The following XIAP variants were observed in gnomAD, a reference collection of about 807,000 sequenced individuals.
The protein encoded by XIAP is X-linked inhibitor of apoptosis.
XIAP carries 3 observed loss-of-function variants against 33.1 expected under a neutral mutation model. The ratio of observed to expected loss-of-function variants is 0.09; its 90% CI spans 0.04 to 0.23. The LOEUF is 0.23. Ranked by LOEUF, XIAP falls within the 10% of genes least tolerant of loss-of-function variation. The pLI is 1.00. For synonymous variants in XIAP, 98 were observed against 121.3 expected (o/e 0.81, Z 1.26); for missense variants, 264 against 363.0 (o/e 0.73, Z 2.22).
intron 4 of XIAP, among the ~76,000 whole-genome samples, chrX:123,891,941 T>C (rs2053412393): frequency 9.0e-6 from 1 of 110,752 alleles, no homozygotes; most frequent in African/African-American, 3.3e-5. Flanking sequence ...TAGGCAAAAA[T>C]GGGCTTGAAG....
intron 1 of XIAP, among the ~76,000 whole-genome samples, chrX:123,866,532 T>C (rs1407240240): frequency 5.4e-5 from 4 of 73,432 alleles, no homozygotes; most frequent in African/African-American, 2.4e-4. Context: ...AATATCAAAA[T>C]ATATAATATG....
chrX:123,892,633 C>T, intron 4 of XIAP, 98 bp from the exon 5 acceptor site: 3 of 742,156 alleles, frequency 4.0e-6, no homozygotes, highest in Non-Finnish European at 4.1e-6. Context: ...GGAATAAAGC[C>T]AATTTATTTT....
intron 2 of XIAP, among the ~76,000 whole-genome samples, chrX:123,888,007 TAAA>T (rs2053369085): frequency 8.0e-5 from 5 of 62,211 alleles, no homozygotes; most frequent in Non-Finnish European, 1.8e-4. Flanking sequence ...TAATAATTAA[TAAA>T]TAAATAAATA....
At chrX:123,867,955 C>T (rs1420804247) in intron 1 of XIAP, among the ~76,000 whole-genome samples, 1 of 111,373 alleles carries the variant, frequency 9.0e-6, no homozygotes, top group African/African-American at 3.3e-5. Context: ...GGATTACAGG[C>T]ATGAGCCACT....
At chrX:123,893,343 C>A (rs1220429138) in intron 5 of XIAP, among the ~76,000 whole-genome samples, 1 of 106,404 alleles carries the variant, frequency 9.4e-6, no homozygotes, top group African/African-American at 3.4e-5. Flanking sequence ...CATGGTGAAA[C>A]CCCGTCTCTA....
intron 5 of XIAP, among the ~76,000 whole-genome samples, chrX:123,894,769 CA>C (rs1329782024): frequency 6.4e-4 from 61 of 95,840 alleles, no homozygotes; most frequent in South Asian, 2.8e-3. Context: ...AACTCTACCT[CA>C]AAAAAAAAAA....
At chrX:123,880,824 C>A (rs1338359746) in intron 1 of XIAP, among the ~76,000 whole-genome samples, 1 of 109,731 alleles carries the variant, frequency 9.1e-6, no homozygotes, top group East Asian at 2.8e-4. Context: ...GTCTCTGTAT[C>A]CCCCACCTCC....
chrX:123,873,039 T>C (rs959700668), intron 1 of XIAP: 1 of 109,448 alleles, frequency 9.1e-6, no homozygotes, highest in Non-Finnish European at 1.9e-5. Flanking sequence ...TTTTAATTTT[T>C]TTTTTTTTTG....
At position 123,910,075 on chromosome X, in the gene XIAP, C is replaced by G. The variant is rs963349166; in HGVS notation, c.*2894C>G. 1 of 326,491 alleles carries G rather than the reference C, an allele frequency of 3.1e-6. No individual in the cohort carries two copies. Among genetic ancestry groups the G allele is most frequent in the Non-Finnish European group, 5.9e-6 (1 of 169,185 alleles). 26.9% of individuals were successfully genotyped at this position (326,491 alleles called of 1,213,427 possible). A position where few individuals can be genotyped will look rare whatever the true frequency, so the allele number is the denominator to read the frequency against. The stretch of plus-strand genomic sequence containing the variant: ...TTTACATTTTAGTCATGCAAAGATT[C>G]AAGTAGTTTTGCAATAAGTACTTAT... On this transcript the variant is annotated 3_prime_UTR_variant, in exon 7 of 7. Coordinates refer to ENST00000371199, the MANE Select transcript of XIAP (RefSeq NM_001167.4).
In XIAP at chrX:123,865,165, A is replaced by G. The variant is rs767859306; in HGVS notation, c.-33+4872A>G. 6.3e-5 allele frequency among the ~76,000 whole-genome samples: 7 copies of G among 110,283 alleles called. No individual in the cohort carries two copies. In the South Asian group the frequency reaches 2.7e-3, roughly 42 times the overall value. On this transcript the variant is annotated intron_variant, in intron 1 of 6. Transcript: ENST00000371199. ...GTTTTATAAAATGTAACCTGTTAGC[A>G]CTATTAAAGGACATTGTGTGAGTAG...
In XIAP at chrX:123,908,676, G is replaced by A; in HGVS notation, c.*1495G>A. On this transcript the variant is annotated 3_prime_UTR_variant, in exon 7 of 7. Coordinates refer to ENST00000371199, the MANE Select transcript of XIAP (RefSeq NM_001167.4). ...AGTAGTAGATACTTCTGAAATAAAT[G>A]TTCTCTCAAGATCCTTAAAACCTCT... 1 of 355,633 alleles carries A rather than the reference G, an allele frequency of 2.8e-6. No individual in the cohort carries two copies. Among genetic ancestry groups the A allele is most frequent in the Non-Finnish European group, 5.3e-6 (1 of 187,055 alleles). 29.3% of individuals were successfully genotyped at this position (355,633 alleles called of 1,213,427 possible).
At chrX:123,903,793 A>G (rs2053536952) in intron 6 of XIAP, among the ~76,000 whole-genome samples, 1 of 108,344 alleles carries the variant, frequency 9.2e-6, no homozygotes, top group African/African-American at 3.4e-5. Context: ...CCGAAACTCT[A>G]CATCCATTAA....
chrX:123,902,074 C>G (rs1036941155), intron 6 of XIAP, among the ~76,000 whole-genome samples: 9 of 112,135 alleles, frequency 8.0e-5, no homozygotes, highest in Non-Finnish European at 1.5e-4. Context: ...AACAGAAACA[C>G]AAGCAATTGT....
chrX:123,899,754 A>G (rs1440489386), intron 5 of XIAP, among the ~76,000 whole-genome samples: 1 of 108,366 alleles, frequency 9.2e-6, no homozygotes, highest in Non-Finnish European at 1.9e-5. Context: ...GCGTATGAAT[A>G]TACCACAATT....
Position 123,899,259 on chromosome X carries a change from GTATATATATGATTTTGTA to G in XIAP, c.1100-1207_1100-1190del, listed in dbSNP as rs1253185357. Among the ~76,000 whole-genome samples, 6 of 74,301 alleles carry G rather than the reference GTATATATATGATTTTGTA, an allele frequency of 8.1e-5. No individual in the cohort carries two copies. In the South Asian group the frequency reaches 4.7e-3, roughly 59 times the overall value. The allele number at this position is 74,301 out of a possible 115,157, so 64.5% of individuals were successfully genotyped here. A position where few individuals can be genotyped will look rare whatever the true frequency, so the allele number is the denominator to read the frequency against. On this transcript the variant is annotated intron_variant, in intron 5 of 6. Transcript: ENST00000371199. Reference sequence around the variant, plus strand: ...TGATTTTGTATATATATATGATTTTGTATATATATGATTTTGTATATATATATGATTTTGTATATATAT... The same window carrying G: ...TGATTTTGTATATATATATGATTTTGTATATATATGATTTTGTATATATAT...
chrX:123,910,570 A>G lies in XIAP; in HGVS notation c.*3389A>G, dbSNP rs1452462314. The G allele has an allele frequency of 3.0e-6, 1 of 329,236 alleles. No homozygotes were observed. The highest frequency in any genetic ancestry group is 9.7e-5 in the East Asian group (1 of 10,329). 27.1% of individuals were successfully genotyped at this position (329,236 alleles called of 1,213,427 possible). A position where few individuals can be genotyped will look rare whatever the true frequency, so the allele number is the denominator to read the frequency against. ...GATGTATATATATCATTGCTGTTAG[A>G]GAAATGAAATAAAATGGGGCTGGGC... On this transcript the variant is annotated 3_prime_UTR_variant, in exon 7 of 7. Transcript: ENST00000371199.
intron 1 of XIAP, among the ~76,000 whole-genome samples, chrX:123,866,478 TATA>T (rs1487691030): frequency 4.8e-5 from 4 of 82,975 alleles, no homozygotes; most frequent in Admixed American, 1.6e-4. Flanking sequence ...TTATATACAA[TATA>T]TTATATATGA....
chrX:123,891,731 G>A (rs1335889440), intron 4 of XIAP, among the ~76,000 whole-genome samples: 5 of 107,729 alleles, frequency 4.6e-5, no homozygotes, highest in Non-Finnish European at 7.7e-5. Context: ...TGAGGCGGGA[G>A]GATCGCTTGA....
intron 1 of XIAP, among the ~76,000 whole-genome samples, chrX:123,877,178 A>G (rs1011949613): frequency 1.8e-5 from 2 of 109,294 alleles, no homozygotes; most frequent in African/African-American, 3.3e-5. Context: ...TAATTCTCAT[A>G]TCTCAGCCTC....
Sources: gnomAD v4.1 joint callset for allele counts (sites outside exome capture counted in the v4.1 genomes callset) on GRCh38, gnomAD v4.1.1 for gene constraint, MANE v1.5 for transcripts, NCBI Gene and HGNC (gene_info 2026-07-23, HGNC 2026-07-21) for gene names.